The following ISYNA1 variants were observed in gnomAD, a reference collection of about 807,000 sequenced individuals.
ISYNA1 encodes the protein MI-1-P synthase.
A neutral mutation model predicts 50.3 loss-of-function variants in ISYNA1; 34 were observed. The observed-to-expected ratio is 0.68, with a 90% CI of 0.51 to 0.90. The LOEUF (loss-of-function observed/expected upper bound fraction) is 0.90. Among genes scored for constraint, ISYNA1 ranks in the 40% least tolerant of loss-of-function variants. ISYNA1 has a pLI of 0.00. For missense variants in ISYNA1, 718 were observed against 784.8 expected, an observed-to-expected ratio of 0.91 and a Z score of 1.02; for synonymous variants, 396 against 349.9, an observed-to-expected ratio of 1.13 and a Z score of -1.47.
intron 3 of ISYNA1, chr19:18,437,322 C>G: frequency 1.4e-6 from 2 of 1,413,806 alleles, no homozygotes; most frequent in South Asian, 1.6e-5. Context: ...GGAGTCCCCG[C>G]TACCTCGCGA....
Position 18,434,646 on chromosome 19 carries a change from C to A in ISYNA1, c.*267G>T. ...GTTCCGTCCCCGCCCCCATCTAGCC[C>A]CACCTTTGAGAACTGGGGGCAGAGC... On this transcript the variant is annotated 3_prime_UTR_variant, in exon 11 of 11. Transcript: ENST00000338128. The A allele has an allele frequency of 1.7e-6, 1 of 571,612 alleles. No individual in the cohort carries two copies. 35.4% of individuals were successfully genotyped at this position (571,612 alleles called of 1,614,324 possible). A position where few individuals can be genotyped will look rare whatever the true frequency, so the allele number is the denominator to read the frequency against.
intron 8 of ISYNA1, 30 bp downstream of exon 8, chr19:18,435,727 A>G (rs777309048): frequency 1.2e-6 from 2 of 1,608,118 alleles, no homozygotes; most frequent in South Asian, 2.2e-5. Flanking sequence ...TCGCCGGGCA[A>G]CCCCGCGCCC....
rs1973992973 is a variant in ISYNA1, at chr19:18,435,932, A to T, written c.976-11T>A. 2 of 1,613,610 alleles carry T rather than the reference A, an allele frequency of 1.2e-6. No individual in the cohort carries two copies. The highest frequency in any genetic ancestry group is 3.3e-5 in the Admixed American group (2 of 60,014). On this transcript the variant is annotated splice_polypyrimidine_tract_variant and intron_variant, in intron 7 of 10. Coordinates refer to ENST00000338128, the MANE Select transcript of ISYNA1 (RefSeq NM_016368.5). ...CACGATGGACATGGTCTGTGGGTAC[A>T]AGGGAAGCCCCAGCAGCTGCAGGCC...
chr19:18,436,280 G>A lies in ISYNA1; in HGVS notation c.760-33C>T, dbSNP rs564464594. The A allele has an allele frequency of 8.3e-4, 1,335 of 1,608,288 alleles. 25 individuals are homozygous for A. The South Asian group carries it at 0.014, about 17-fold the overall frequency. On this transcript the variant is annotated intron_variant, in intron 6 of 10. Transcript: ENST00000338128. ...CAAGGCGGGCAGTCAGCACAGAGCTGTGTCTGTGACTGGCCCTGCCTGACC... is the reference window on the plus strand; with the variant it reads ...CAAGGCGGGCAGTCAGCACAGAGCTATGTCTGTGACTGGCCCTGCCTGACC...
rs766799822 is a variant in ISYNA1 at position 18,435,940 on chromosome 19, C to T, written c.976-19G>A. Reference sequence around the variant, plus strand: ...ACATGGTCTGTGGGTACAAGGGAAGCCCCAGCAGCTGCAGGCCCTGCGGCC... The same window carrying T: ...ACATGGTCTGTGGGTACAAGGGAAGTCCCAGCAGCTGCAGGCCCTGCGGCC... On this transcript the variant is annotated intron_variant, in intron 7 of 10. Coordinates refer to ENST00000338128, the MANE Select transcript of ISYNA1 (RefSeq NM_016368.5). The T allele has an allele frequency of 1.9e-6, 3 of 1,613,532 alleles. No individual in the cohort carries two copies. In the South Asian group the frequency reaches 3.3e-5, roughly 18 times the overall value.
chr19:18,435,769 C>T lies in ISYNA1; in HGVS notation c.1128G>A (p.Glu376=). ...SNPVLYTPGE[E]PDHCVVIKYV... Reference sequence around the variant, plus strand: ...GCGCCCCACGCACGCAGTGGTCAGGCTCTTCGCCGGGCGTATAGAGCACTG... The same window carrying T: ...GCGCCCCACGCACGCAGTGGTCAGGTTCTTCGCCGGGCGTATAGAGCACTG... The change falls in exon 8 of 11, where the codon GAG becomes GAA. Residue 376 remains glutamate (E), a synonymous_variant. Coordinates refer to ENST00000338128, the MANE Select transcript of ISYNA1 (RefSeq NM_016368.5). 1 of 1,613,258 alleles carries T rather than the reference C, an allele frequency of 6.2e-7. No individual in the cohort carries two copies.
Position 18,436,147 on chromosome 19 carries a change from C to G in ISYNA1, c.860G>C (p.Gly287Ala). ...NGSPQNTLVP[G>A]ALELAWQHRV... ...GTGCTGCCACGCGAGCTCAAGAGCT[C>G]CGGGCACCAGGGTGTTCTGCGGAGA... Residue 287 changes from glycine (G) to alanine (A), a missense_variant, in exon 7 of 11, where the codon GGA becomes GCA. Around this residue, in one of 3 missense-constraint regions of ISYNA1, gnomAD observed 403 missense variants for 466.6 expected, o/e 0.86. Transcript: ENST00000338128. The G allele has an allele frequency of 3.1e-6, 5 of 1,612,650 alleles. No homozygotes were observed. The highest frequency in any genetic ancestry group is 4.2e-6 in the Non-Finnish European group (5 of 1,179,972).
chr19:18,436,535 T>C (rs1301082916), intron 5 of ISYNA1, 56 bp from the exon 6 acceptor site: 2 of 1,599,340 alleles, frequency 1.3e-6, no homozygotes, highest in Non-Finnish European at 1.7e-6. Flanking sequence ...GGGAAGTTGG[T>C]TGTACATACT....
chr19:18,435,353 A>G lies in ISYNA1; in HGVS notation c.1385T>C (p.Phe462Ser), dbSNP rs1246154314. The G allele has an allele frequency of 6.2e-7, 1 of 1,610,818 alleles. No individual in the cohort carries two copies. The highest frequency in any genetic ancestry group is 8.5e-7 in the Non-Finnish European group (1 of 1,179,982). ...CGGCACTAGTGGCGCCTTGAAGAGGAAGCTGAGCAGGGACAGCACGGGGTG... is the reference window on the plus strand; with the variant it reads ...CGGCACTAGTGGCGCCTTGAAGAGGGAGCTGAGCAGGGACAGCACGGGGTG... ...TFHPVLSLLS[F>S]LFKAPLVPPG... Residue 462 changes from phenylalanine (F) to serine (S), a missense_variant, in exon 10 of 11, where the codon TTC becomes TCC. Coordinates refer to ENST00000338128, the MANE Select transcript of ISYNA1 (RefSeq NM_016368.5).
At chr19:18,435,709 G>A in intron 8 of ISYNA1, 33 bp from the exon 9 acceptor site, 1 of 1,610,872 alleles carries the variant, frequency 6.2e-7, no homozygotes, top group Non-Finnish European at 8.5e-7. Context: ...CCGGGTCCCT[G>A]CCACCCCTCG....
In ISYNA1 at chr19:18,434,724, GAGGGGATGGGACTGA is replaced by G; in HGVS notation, c.*174_*188del. 1.7e-6 allele frequency: 1 copy of G among 606,030 alleles called. No homozygotes were observed. Among genetic ancestry groups the G allele is most frequent in the Non-Finnish European group, 2.9e-6 (1 of 342,524 alleles). The allele number at this position is 606,030 out of a possible 1,614,324, so 37.5% of individuals were successfully genotyped here. ...GGAGTTGGGGTGATGACCATGGGCA[GAGGGGATGGGACTGA>G]AGCTGGGCGCTCAAGAGTCGGGGAA... On this transcript the variant is annotated 3_prime_UTR_variant, in exon 11 of 11. Transcript: ENST00000338128.
rs763738050 is a variant in ISYNA1 at position 18,435,839 on chromosome 19, T to A, written c.1058A>T (p.Glu353Val). ...LSAPLQFRSK[E>V]VSKSNVVDDM... Reference sequence around the variant, plus strand: ...GTCCACCACGTTGCTCTTGGACACCTCCTTAGAGCGGAACTGCAATGGCGC... The same window carrying A: ...GTCCACCACGTTGCTCTTGGACACCACCTTAGAGCGGAACTGCAATGGCGC... Residue 353 changes from glutamate to valine, a missense_variant, in exon 8 of 11, where the codon GAG becomes GTG. Glu to Val is a moderately radical substitution (Grantham distance 121, BLOSUM62 -2). Transcript: ENST00000338128. 4 of 1,613,854 alleles carry A rather than the reference T, an allele frequency of 2.5e-6. No homozygotes were observed. The African/African-American group carries it at 5.3e-5, about 22-fold the overall frequency.
chr19:18,435,254 G>A lies in ISYNA1; in HGVS notation c.1472+12C>T. 1 of 1,602,120 alleles carries A rather than the reference G, an allele frequency of 6.2e-7. No individual in the cohort carries two copies. Among genetic ancestry groups the A allele is most frequent in the African/African-American group, 1.3e-5 (1 of 74,952 alleles). Reference sequence around the variant, plus strand: ...CTGGGCCCCGGGCGGGAACCTGGAGGCTGGGGTGCACCTGAGGATGTTCTC... The same window carrying A: ...CTGGGCCCCGGGCGGGAACCTGGAGACTGGGGTGCACCTGAGGATGTTCTC... On this transcript the variant is annotated intron_variant, in intron 10 of 10. Coordinates refer to ENST00000338128, the MANE Select transcript of ISYNA1 (RefSeq NM_016368.5).
rs756610944 is a variant in ISYNA1, at chr19:18,435,866, G to A, written c.1031C>T (p.Ser344Leu). ...CTTAGAGCGGAACTGCAATGGCGCC[G>A]ATAGGTTCTCCCCATCGTTGTTGCC... ...HLGNNDGENL[S>L]APLQFRSKEV... Residue 344 changes from serine (S) to leucine (L), a missense_variant, in exon 8 of 11, where the codon TCG (serine) becomes TTG (leucine). Coordinates refer to ENST00000338128, the MANE Select transcript of ISYNA1 (RefSeq NM_016368.5). The A allele has an allele frequency of 1.9e-6, 3 of 1,614,052 alleles. No homozygotes were observed. The highest frequency in any genetic ancestry group is 2.2e-5 in the South Asian group (2 of 91,092).
Position 18,436,026 on chromosome 19 carries a change from A to T in ISYNA1, c.975+6T>A. 3.1e-6 allele frequency: 5 copies of T among 1,613,328 alleles called. No homozygotes were observed. Among genetic ancestry groups the T allele is most frequent in the Non-Finnish European group, 4.2e-6 (5 of 1,179,900 alleles). On this transcript the variant is annotated splice_donor_region_variant and intron_variant, in intron 7 of 10. Transcript: ENST00000338128. ...CTGCACTCGGCAGCTCCCTAGGCCC[A>T]CGCACCTTGAGGCCGGAGCCAATGA... is the stretch of plus-strand genomic sequence containing the variant.
rs910807563 is a variant in ISYNA1 at position 18,437,066 on chromosome 19, C to T, written c.322G>A (p.Val108Met). 3.2e-6 allele frequency: 5 copies of T among 1,581,842 alleles called. No individual in the cohort carries two copies. Among genetic ancestry groups the T allele is most frequent in the East Asian group, 2.3e-5 (1 of 42,850 alleles). Residue 108 changes from valine to methionine, a missense_variant, in exon 4 of 11, where the codon GTG becomes ATG. Around this residue, in one of 3 missense-constraint regions of ISYNA1, gnomAD observed 403 missense variants for 466.6 expected, o/e 0.86. Coordinates refer to ENST00000338128, the MANE Select transcript of ISYNA1 (RefSeq NM_016368.5). ...YYGSLTQAGTVSLGLDAEGQE... is the reference protein window; with the variant it reads ...YYGSLTQAGTMSLGLDAEGQE... ...CCCTCGGCGTCCAGGCCCAGGCTCA[C>T]GGTGCCCGCCTGAGTCAGCGAGCCG... is the stretch of plus-strand genomic sequence containing the variant.
In ISYNA1 at chr19:18,436,139, C is replaced by G. The variant is rs902814139; in HGVS notation, c.868G>C (p.Glu290Gln). 6.2e-7 allele frequency: 1 copy of G among 1,612,772 alleles called. No homozygotes were observed. The highest frequency in any genetic ancestry group is 8.5e-7 in the Non-Finnish European group (1 of 1,179,966). Residue 290 changes from glutamate to glutamine, a missense_variant, in exon 7 of 11, where the codon GAG becomes CAG. Transcript: ENST00000338128. ...PQNTLVPGAL[E>Q]LAWQHRVFVG... is the part of the protein sequence containing the mutation. ...AAAACCCGGTGCTGCCACGCGAGCT[C>G]AAGAGCTCCGGGCACCAGGGTGTTC...
intron 3 of ISYNA1, 67 bp downstream of exon 3, chr19:18,437,532 G>C: frequency 9.2e-7 from 1 of 1,088,832 alleles, no homozygotes; most frequent in Non-Finnish European, 1.2e-6. Flanking sequence ...CCCCCTGCAG[G>C]CTCCCGCCCC....
rs747898532 is a variant in ISYNA1, at chr19:18,436,062, A to C, written c.945T>G (p.Leu315=). The change falls in exon 7 of 11, where the codon CTT becomes CTG. Residue 315 remains leucine, a synonymous_variant. Transcript: ENST00000338128. ...KSGQTKVKSV[L]VDFLIGSGLK... The stretch of plus-strand genomic sequence containing the variant: ...GGCCGGAGCCAATGAGGAAGTCCAC[A>C]AGCACGGACTTGACTTTGGTCTGGC... The C allele has an allele frequency of 2.5e-6, 4 of 1,613,370 alleles. No homozygotes were observed. In the South Asian group the frequency reaches 4.4e-5, roughly 18 times the overall value.
Sources: gnomAD v4.1 joint callset for allele counts on GRCh38, gnomAD v4.1.1 for gene constraint, gnomAD v4.1.1 regional missense constraint, MANE v1.5 for transcripts, NCBI Gene and HGNC (gene_info 2026-07-23, HGNC 2026-07-21) for gene names.